SLC6A5: variants seen among roughly 807,000 people sequenced by gnomAD.
The protein encoded by SLC6A5 is sodium- and chloride-dependent glycine transporter 2.
In SLC6A5, 58 loss-of-function variants were observed where a neutral mutation model predicts 90.5. That is an observed-to-expected ratio of 0.64 (90% CI 0.52 to 0.80). The LOEUF is 0.80. Among genes scored for constraint, SLC6A5 ranks in the 30% least tolerant of loss-of-function variants. The pLI, the probability that SLC6A5 is intolerant of heterozygous loss-of-function variation, is 0.00. For synonymous variants in SLC6A5, 427 were observed against 401.4 expected (o/e 1.06, Z -0.76); for missense variants, 1,015 against 1,017.6 (o/e 1.00, Z 0.03).
intron 9 of SLC6A5, 141 bp downstream of exon 9, chr11:20,628,224 A>G: frequency 1.4e-6 from 1 of 737,818 alleles, no homozygotes; most frequent in African/African-American, 1.7e-5. Context: ...AGGAGAAACC[A>G]CCTGCTAAGG....
chr11:20,647,057 G>C, intron 14 of SLC6A5, 123 bp downstream of exon 14: 2 of 762,758 alleles, frequency 2.6e-6, no homozygotes, highest in Non-Finnish European at 4.7e-6. Context: ...CTGGTAGGTT[G>C]GGTGGTGGTC....
intron 3 of SLC6A5, 88 bp downstream of exon 3, chr11:20,604,512 C>G (rs962734149): frequency 2.6e-6 from 4 of 1,528,300 alleles, no homozygotes; most frequent in East Asian, 2.3e-5. Flanking sequence ...GCAGGGCCGC[C>G]GGGCGGGGAG....
At chr11:20,608,940 CTCTCTCTCTCTCTCTCTCTG>C (rs1852637224) in intron 5 of SLC6A5, among the ~76,000 whole-genome samples, 2 of 125,090 alleles carry the variant, frequency 1.6e-5, no homozygotes, top group African/African-American at 5.7e-5. Flanking sequence ...CTCTCTCTCT[CTCTCTCTCTCTCTCTCTCTG>C]TGTGTGTGTG....
intron 1 of SLC6A5, 120 bp downstream of exon 1, chr11:20,599,795 C>T: frequency 1.7e-6 from 2 of 1,157,786 alleles, no homozygotes; most frequent in South Asian, 1.2e-5. Context: ...AAGGGGGCGA[C>T]GAGGAGAACA....
chr11:20,646,958 G>A (rs767001903), intron 14 of SLC6A5, 24 bp downstream of exon 14: 72 of 1,450,004 alleles, frequency 5.0e-5, no homozygotes, highest in Non-Finnish European at 7.0e-5. Context: ...ATGTTTTCTT[G>A]TGCAGACAGC....
In SLC6A5 at chr11:20,601,382, G is replaced by C; in HGVS notation, c.257G>C (p.Arg86Pro). ...GVGSCKLSSPRAQAASAALRD... is the reference protein window; with the variant it reads ...GVGSCKLSSPPAQAASAALRD... ...GGGTCTTGCAAACTCAGTAGCCCGCGGGCGCAGGCGGCCTCTGCAGCTCTG... is the reference window on the plus strand; with the variant it reads ...GGGTCTTGCAAACTCAGTAGCCCGCCGGCGCAGGCGGCCTCTGCAGCTCTG... The change falls in exon 2 of 16, where the codon CGG becomes CCG. Residue 86 changes from arginine (R) to proline (P), a missense_variant. Arg to Pro is a moderately radical substitution (Grantham distance 103). Around this residue, in one of 3 missense-constraint regions of SLC6A5, gnomAD observed 567 missense variants for 507.3 expected, o/e 1.12. Transcript: ENST00000525748. The C allele has an allele frequency of 6.2e-7, 1 of 1,603,550 alleles. No individual in the cohort carries two copies. Among genetic ancestry groups the C allele is most frequent in the Non-Finnish European group, 8.5e-7 (1 of 1,176,260 alleles).
At chr11:20,617,324 T>C (rs1237162763) in intron 6 of SLC6A5, among the ~76,000 whole-genome samples, 3 of 152,236 alleles carry the variant, frequency 2.0e-5, no homozygotes, top group African/African-American at 7.2e-5. Flanking sequence ...GTACTAATTT[T>C]TAAAATTAAA....
intron 14 of SLC6A5, among the ~76,000 whole-genome samples, chr11:20,650,340 T>C (rs1180869547): frequency 6.6e-6 from 1 of 152,206 alleles, no homozygotes. Flanking sequence ...CTTAAATTCC[T>C]TTCTTTCTCT....
intron 7 of SLC6A5, among the ~76,000 whole-genome samples, chr11:20,622,787 T>TCTTC (rs60443642): frequency 0.66 from 100,688 of 151,484 alleles, 33,709 homozygotes; most frequent in South Asian, 0.78. Context: ...CTCCGTCACC[T>TCTTC]CTTCCATCCT....
In SLC6A5 at chr11:20,604,277, C is replaced by T. The variant is rs775616432; in HGVS notation, c.541-9C>T. 1.2e-6 allele frequency: 2 copies of T among 1,605,716 alleles called. No homozygotes were observed. The highest frequency in any genetic ancestry group is 1.7e-6 in the Non-Finnish European group (2 of 1,174,122). On this transcript the variant is annotated splice_polypyrimidine_tract_variant and intron_variant, in intron 2 of 15. Transcript: ENST00000525748. Reference sequence around the variant, plus strand: ...GGCTGTTATCGACAATGTGCTTTTCCGCCCCCAGGAGGACGAGCAAGGGGA... The same window carrying T: ...GGCTGTTATCGACAATGTGCTTTTCTGCCCCCAGGAGGACGAGCAAGGGGA...
chr11:20,635,559 G>A (rs1244601763), intron 10 of SLC6A5, among the ~76,000 whole-genome samples: 1 of 152,164 alleles, frequency 6.6e-6, no homozygotes, highest in Non-Finnish European at 1.5e-5. Flanking sequence ...ACTAATGCAT[G>A]CCAGACTTAA....
In SLC6A5 at chr11:20,657,539, A is replaced by G. The variant is rs754374948; in HGVS notation, c.*2671A>G. The stretch of plus-strand genomic sequence containing the variant: ...TAATGGATTGTTTCCATGATATTAA[A>G]ATGTACAGTCAATTGGAAGAAAAAA... On this transcript the variant is annotated 3_prime_UTR_variant, in exon 16 of 16. Coordinates refer to ENST00000525748, the MANE Select transcript of SLC6A5 (RefSeq NM_004211.5). 6.6e-6 allele frequency: 1 copy of G among 152,184 alleles called. No individual in the cohort carries two copies. Among genetic ancestry groups the G allele is most frequent in the Admixed American group, 6.5e-5 (1 of 15,272 alleles). The allele number at this position is 152,184 out of a possible 1,614,324, so 9.4% of individuals were successfully genotyped here.
intron 9 of SLC6A5, among the ~76,000 whole-genome samples, chr11:20,628,915 G>A (rs1297379208): frequency 1.3e-5 from 2 of 152,172 alleles, no homozygotes; most frequent in East Asian, 1.9e-4. Context: ...GGTCAGACAA[G>A]GTGGATCATT....
At chr11:20,611,332 G>A (rs915511509) in intron 5 of SLC6A5, among the ~76,000 whole-genome samples, 3 of 152,132 alleles carry the variant, frequency 2.0e-5, no homozygotes, top group Admixed American at 6.5e-5. Context: ...GCACACACCT[G>A]TAATCCCAGC....
At chr11:20,600,381 GAA>G in intron 1 of SLC6A5, among the ~76,000 whole-genome samples, 1 of 149,914 alleles carries the variant, frequency 6.7e-6, no homozygotes, top group Non-Finnish European at 1.5e-5. Flanking sequence ...AGAAGAAGAA[GAA>G]GAAGAAGAAG....
At chr11:20,617,622 T>G in intron 6 of SLC6A5, 130 bp from the exon 7 acceptor site, 1 of 782,142 alleles carries the variant, frequency 1.3e-6, no homozygotes, top group Non-Finnish European at 2.2e-6. Context: ...TTCCTGATGG[T>G]GGGGTGGGTG....
Position 20,606,933 on chromosome 11 carries a change from T to C in SLC6A5, c.680-74T>C, listed in dbSNP as rs2278649. ...GTTCTTTGAGAGGGAGCTCAGCCCC[T>C]AGCCCAGAGGGTTAAGGAGGGCAGC... On this transcript the variant is annotated intron_variant, in intron 3 of 15. Transcript: ENST00000525748. The C allele has an allele frequency of 0.59, 939,431 of 1,599,258 alleles. 278,381 individuals are homozygous for C. The highest frequency in any genetic ancestry group is 0.78 in the East Asian group (34,706 of 44,730).
Position 20,601,693 on chromosome 11 carries a change from A to G in SLC6A5, c.540+28A>G, listed in dbSNP as rs778337920. Reference sequence around the variant, plus strand: ...AAGCAGGTTGCATTACGGCCCGCACAGTGTCCTGCTCTCCAGCTGCGCGAG... The same window carrying G: ...AAGCAGGTTGCATTACGGCCCGCACGGTGTCCTGCTCTCCAGCTGCGCGAG... On this transcript the variant is annotated intron_variant, in intron 2 of 15. Transcript: ENST00000525748. 1.9e-5 allele frequency: 30 copies of G among 1,604,550 alleles called. No individual in the cohort carries two copies. In the Middle Eastern group the frequency reaches 5.6e-4, roughly 30 times the overall value.
intron 13 of SLC6A5, among the ~76,000 whole-genome samples, chr11:20,643,115 C>G (rs1216360190): frequency 6.6e-6 from 1 of 152,116 alleles, no homozygotes; most frequent in Non-Finnish European, 1.5e-5. Context: ...CCTATCATAT[C>G]GGTGTCCCCA....
Sources: allele counts gnomAD v4.1 joint callset (sites outside exome capture counted in the v4.1 genomes callset), GRCh38; gene constraint gnomAD v4.1.1; regional missense constraint gnomAD v4.1.1; transcripts MANE v1.5; gene names NCBI Gene and HGNC (gene_info 2026-07-23, HGNC 2026-07-21).